SELENOW: variants seen among roughly 807,000 people sequenced by gnomAD.
The protein encoded by SELENOW is selenoprotein W.
SELENOW carries 20 observed loss-of-function variants against 16.6 expected under a neutral mutation model. The observed-to-expected ratio is 1.21, with a 90% CI of 0.85 to 1.76. The LOEUF (loss-of-function observed/expected upper bound fraction) is 1.76, where lower values mean the gene tolerates loss of function less well. SELENOW is among the 40% of genes most tolerant of loss of function. SELENOW has a pLI of 0.00. For missense variants in SELENOW, 124 were observed against 111.0 expected (o/e 1.12, Z -0.53); for synonymous variants, 44 against 46.2 (o/e 0.95, Z 0.19).
intron 5 of SELENOW, chr19:47,782,994 A>G (rs1208350811): frequency 1.3e-5 from 2 of 152,080 alleles, no homozygotes; most frequent in Non-Finnish European, 2.9e-5. Flanking sequence ...CCCATTCTAG[A>G]ACAGTTACTA....
intron 5 of SELENOW, chr19:47,782,092 C>G (rs1268148995): frequency 6.5e-6 from 1 of 153,178 alleles, no homozygotes; most frequent in African/African-American, 2.4e-5. Context: ...GTCCCATTGC[C>G]AAGAAACAGT....
intron 4 of SELENOW, 25 bp from the exon 5 acceptor site, chr19:47,781,265 C>T (rs1039133143): frequency 1.2e-6 from 2 of 1,607,134 alleles, no homozygotes; most frequent in African/African-American, 1.3e-5. Context: ...CCAGCTCACC[C>T]CTTCCCTCTT....
In SELENOW at chr19:47,781,224, T is replaced by A. The variant is rs62130748; in HGVS notation, c.183+42T>A. On this transcript the variant is annotated intron_variant, in intron 4 of 5. Coordinates refer to ENST00000601048, the MANE Select transcript of SELENOW (RefSeq NM_003009.4). ...GTCCTGCCTGGTTTTGGGGCTAGCA[T>A]GGGGTTGGGGCTGAGGTTGGTGTCT... is the stretch of plus-strand genomic sequence containing the variant. The A allele has an allele frequency of 1.4e-4, 223 of 1,605,438 alleles. 1 individual carries two copies. The highest frequency in any genetic ancestry group is 1.8e-4 in the Non-Finnish European group (207 of 1,172,288).
intron 5 of SELENOW, among the ~76,000 whole-genome samples, chr19:47,781,766 A>G (rs1253520000): frequency 6.7e-6 from 1 of 149,906 alleles, no homozygotes. Flanking sequence ...GTGCAGGATG[A>G]CGGCTGAGAT....
intron 5 of SELENOW, among the ~76,000 whole-genome samples, chr19:47,781,994 C>T (rs1967482743): frequency 6.6e-6 from 1 of 152,062 alleles, no homozygotes; most frequent in South Asian, 2.1e-4. Flanking sequence ...GTGGTGGGGT[C>T]AGAGGGCTGC....
intron 1 of SELENOW, chr19:47,779,907 G>C: frequency 3.6e-6 from 1 of 275,288 alleles, no homozygotes; most frequent in Middle Eastern, 6.7e-4. Flanking sequence ...GTAGCTTCAA[G>C]TCTGGACTGC....
At chr19:47,780,192 G>C in intron 1 of SELENOW, 5 of 428,654 alleles carry the variant, frequency 1.2e-5, no homozygotes. Flanking sequence ...CCGATCCCCT[G>C]AGGTTAGGAG....
rs773604554 is a variant in SELENOW, at chr19:47,778,733, A to G, written c.-53A>G. 1.7e-5 allele frequency: 27 copies of G among 1,575,352 alleles called. No individual in the cohort carries two copies. Among genetic ancestry groups the G allele is most frequent in the African/African-American group, 6.8e-5 (5 of 73,600 alleles). ...CGCAGACCTAGCGCGTCCAGGTGGGAGGTTAGTGTGGCCCGGGCGTCCGCT... is the reference window on the plus strand; with the variant it reads ...CGCAGACCTAGCGCGTCCAGGTGGGGGGTTAGTGTGGCCCGGGCGTCCGCT... On this transcript the variant is annotated 5_prime_UTR_variant, in exon 1 of 6. Transcript: ENST00000601048.
At chr19:47,781,003 C>T (rs1967468525) in intron 3 of SELENOW, 86 bp downstream of exon 3, 1 of 1,552,138 alleles carries the variant, frequency 6.4e-7, no homozygotes, top group South Asian at 1.1e-5. Flanking sequence ...GGGGTTAGGT[C>T]AGCCCTACGC....
At chr19:47,779,991 G>C in intron 1 of SELENOW, 3 of 334,198 alleles carry the variant, frequency 9.0e-6, no homozygotes, top group South Asian at 6.6e-5. Flanking sequence ...CAAAGCAGAG[G>C]CAAGAGTGAC....
chr19:47,783,494 C>G (rs1249070729), intron 5 of SELENOW: 1 of 152,336 alleles, frequency 6.6e-6, no homozygotes, highest in African/African-American at 2.4e-5. Context: ...TGAGCCACTG[C>G]GCCTGGCCAT....
At chr19:47,781,562 G>A (rs1967477264) in intron 5 of SELENOW, 174 bp downstream of exon 5, 1 of 609,202 alleles carries the variant, frequency 1.6e-6, no homozygotes, top group Non-Finnish European at 2.9e-6. Context: ...CTGAGATGGG[G>A]TCAGAGGTGT....
Position 47,784,544 on chromosome 19 carries a change from C to A in SELENOW, c.*273C>A, listed in dbSNP as rs571759550. The stretch of plus-strand genomic sequence containing the variant: ...CATACCCCATGTCTTCCCCAGTTGT[C>A]CCCTGGAGTTTGGGGGGACATCCCG... On this transcript the variant is annotated 3_prime_UTR_variant, in exon 6 of 6. Transcript: ENST00000601048. The A allele has an allele frequency of 1.3e-5, 2 of 152,308 alleles. No homozygotes were observed. Among genetic ancestry groups the A allele is most frequent in the East Asian group, 3.9e-4 (2 of 5,182 alleles). The allele number at this position is 152,308 out of a possible 1,614,324, so 9.4% of individuals were successfully genotyped here.
intron 1 of SELENOW, chr19:47,780,377 C>G: frequency 2.4e-6 from 1 of 411,714 alleles, no homozygotes; most frequent in South Asian, 2.2e-5. Context: ...ATCCAGTTCT[C>G]CTGGTTTTCC....
rs752914763 is a variant in SELENOW at position 47,781,029 on chromosome 19, T to G, written c.109-79T>G. The G allele has an allele frequency of 4.1e-5, 64 of 1,553,396 alleles. 1 individual carries two copies. In the Admixed American group the frequency reaches 1.1e-3, roughly 26 times the overall value. On this transcript the variant is annotated intron_variant, in intron 3 of 5. Coordinates refer to ENST00000601048, the MANE Select transcript of SELENOW (RefSeq NM_003009.4). Reference sequence around the variant, plus strand: ...AGCCCTACGCCCTTCACCCATGTTCTCATCCCCCTGGGAAGGGGAGGGTCT... The same window carrying G: ...AGCCCTACGCCCTTCACCCATGTTCGCATCCCCCTGGGAAGGGGAGGGTCT...
At position 47,780,857 on chromosome 19, in the gene SELENOW, T is replaced by TATCAAAG. The variant is rs1351496772; in HGVS notation, c.55-7_55-6insATCAAAG. On this transcript the variant is annotated splice_polypyrimidine_tract_variant and splice_region_variant and intron_variant, in intron 2 of 5. Transcript: ENST00000601048. ...ACCCCTGCTGTGACCTCTCACCGCGTTTTCAGTATCTTCAGCTCAAGAAGA... is the reference window on the plus strand; with the variant it reads ...ACCCCTGCTGTGACCTCTCACCGCGTATCAAAGTTTCAGTATCTTCAGCTCAAGAAGA... 3.7e-6 allele frequency: 6 copies of TATCAAAG among 1,612,382 alleles called. No homozygotes were observed. Among genetic ancestry groups the TATCAAAG allele is most frequent in the African/African-American group, 1.3e-5 (1 of 74,658 alleles).
At chr19:47,780,474 G>T in intron 1 of SELENOW, 1 of 557,800 alleles carries the variant, frequency 1.8e-6, no homozygotes, top group South Asian at 2.1e-5. Flanking sequence ...GCTTGGTGTT[G>T]GTTTTCTGTG....
At chr19:47,779,390 AATAGG>A (rs1967445976) in intron 1 of SELENOW, 1 of 153,288 alleles carries the variant, frequency 6.5e-6, no homozygotes, top group South Asian at 2.0e-4. Context: ...GGAAGGGTAT[AATAGG>A]ATAGGATATA....
In SELENOW at chr19:47,781,183, G is replaced by A. The variant is rs777040522; in HGVS notation, c.183+1G>A. 6.2e-7 allele frequency: 1 copy of A among 1,613,732 alleles called. No individual in the cohort carries two copies. The highest frequency in any genetic ancestry group is 1.7e-5 in the Admixed American group (1 of 60,014). On this transcript the variant is annotated splice_donor_variant, in intron 4 of 5. Coordinates refer to ENST00000601048, the MANE Select transcript of SELENOW (RefSeq NM_003009.4). LOFTEE classifies it high-confidence loss of function. ...CGGGAAGTTGATTCACTCTAAGAAG[G>A]TATGTCTGTCTGTCCGTCCTGCCTG...
Sources: gnomAD v4.1 joint callset for allele counts (sites outside exome capture counted in the v4.1 genomes callset) on GRCh38, gnomAD v4.1.1 for gene constraint, MANE v1.5 for transcripts, NCBI Gene and HGNC (gene_info 2026-07-23, HGNC 2026-07-21) for gene names.